Variants in SSBP2 observed in about 807,000 individuals in gnomAD.
SSBP2 encodes single-stranded DNA-binding protein 2.
Under a neutral mutation model 61.8 loss-of-function variants are expected in SSBP2, and 17 were observed. That is an observed-to-expected ratio of 0.28 (90% confidence interval 0.19 to 0.41). SSBP2 has a LOEUF of 0.41. Among genes scored for constraint, SSBP2 ranks in the 10% least tolerant of loss-of-function variants. The pLI is 1.00. For synonymous variants in SSBP2, 139 were observed against 141.3 expected (o/e 0.98, Z 0.12); for missense variants, 310 against 458.7 (o/e 0.68, Z 2.96).
chr5:81,526,221 G>C (rs755084742), intron 4 of SSBP2, among the ~76,000 whole-genome samples: 40 of 151,860 alleles, frequency 2.6e-4, no homozygotes, highest in Non-Finnish European at 5.2e-4. Flanking sequence ...AAAAAATTCA[G>C]TTTTTTTCCC....
intron 2 of SSBP2, among the ~76,000 whole-genome samples, chr5:81,644,854 T>A (rs1408046554): frequency 6.6e-6 from 1 of 152,166 alleles, no homozygotes; most frequent in Non-Finnish European, 1.5e-5. Context: ...TATTAGGGAT[T>A]AGAGCTGGAC....
intron 1 of SSBP2, among the ~76,000 whole-genome samples, chr5:81,673,767 C>T (rs561324228): frequency 2.6e-5 from 4 of 152,274 alleles, no homozygotes; most frequent in South Asian, 2.1e-4. Flanking sequence ...TGGCTAAAGA[C>T]GTTGGCACTA....
At chr5:81,749,286 CA>C (rs900253908) in intron 1 of SSBP2, among the ~76,000 whole-genome samples, 1 of 151,708 alleles carries the variant, frequency 6.6e-6, no homozygotes, top group Non-Finnish European at 1.5e-5. Context: ...TGCAAAAAAA[CA>C]AAAAAGCCTC....
rs554939365 is a variant in SSBP2, at chr5:81,691,563, T to TA, written c.63-41225dup. On this transcript the variant is annotated intron_variant, in intron 1 of 16. Coordinates refer to ENST00000320672, the MANE Select transcript of SSBP2 (RefSeq NM_012446.5). Reference sequence around the variant, plus strand: ...ACAAGTAACAAAATTAATGCTGTAATAAAAAAAAAAACTCCCAGCAAAGAA... The same window carrying TA: ...ACAAGTAACAAAATTAATGCTGTAATAAAAAAAAAAAACTCCCAGCAAAGAA... 5.5e-3 allele frequency among the ~76,000 whole-genome samples: 786 copies of TA among 142,368 alleles called. 3 individuals carry two copies. Among genetic ancestry groups the TA allele is most frequent in the South Asian group, 0.019 (85 of 4,470 alleles). 93.4% of individuals were successfully genotyped at this position (142,368 alleles called of 152,430 possible).
chr5:81,592,120 C>T (rs916223695), intron 4 of SSBP2, among the ~76,000 whole-genome samples: 1 of 152,182 alleles, frequency 6.6e-6, no homozygotes, highest in African/African-American at 2.4e-5. Context: ...CCTGGAAAAT[C>T]GGGTCACTCC....
At chr5:81,691,562 A>AT (rs1753201848) in intron 1 of SSBP2, among the ~76,000 whole-genome samples, 2 of 151,884 alleles carry the variant, frequency 1.3e-5, no homozygotes, top group South Asian at 2.1e-4. Flanking sequence ...TAATGCTGTA[A>AT]TAAAAAAAAA....
intron 1 of SSBP2, among the ~76,000 whole-genome samples, chr5:81,731,392 C>G (rs1045325894): frequency 3.3e-5 from 5 of 152,084 alleles, no homozygotes; most frequent in Admixed American, 1.3e-4. Flanking sequence ...ACAAAACAAT[C>G]CATGCAACTG....
intron 4 of SSBP2, among the ~76,000 whole-genome samples, chr5:81,513,931 A>G (rs1318871817): frequency 6.6e-6 from 1 of 152,202 alleles, no homozygotes; most frequent in Non-Finnish European, 1.5e-5. Flanking sequence ...AACTTTGTGA[A>G]GTCAAAGAAC....
chr5:81,474,926 AT>A (rs1765488607), intron 6 of SSBP2, among the ~76,000 whole-genome samples: 1 of 152,172 alleles, frequency 6.6e-6, no homozygotes, highest in Non-Finnish European at 1.5e-5. Flanking sequence ...TAAATTCCCT[AT>A]TTCTACAGAA....
rs74713343 is a variant in SSBP2 at position 81,680,421 on chromosome 5, C to T, written c.63-30082G>A. Among the ~76,000 whole-genome samples, 1,191 of 149,520 alleles carry T rather than the reference C, an allele frequency of 8.0e-3. 24 individuals are homozygous for T. The highest frequency in any genetic ancestry group is 0.027 in the African/African-American group (1,114 of 40,972). Reference sequence around the variant, plus strand: ...GTTTCTTGGAGAACTCAAACTAATGCCATCACATTAAACGTCAGTGGTGTA... The same window carrying T: ...GTTTCTTGGAGAACTCAAACTAATGTCATCACATTAAACGTCAGTGGTGTA... On this transcript the variant is annotated intron_variant, in intron 1 of 16. Coordinates refer to ENST00000320672, the MANE Select transcript of SSBP2 (RefSeq NM_012446.5).
intron 4 of SSBP2, among the ~76,000 whole-genome samples, chr5:81,530,666 A>AT (rs1477567181): frequency 5.3e-5 from 8 of 152,070 alleles, no homozygotes; most frequent in Non-Finnish European, 1.0e-4. Context: ...ACTATTCAGA[A>AT]TAGTATAGTG....
In SSBP2 at chr5:81,461,103, C is replaced by G; in HGVS notation, c.639G>C (p.Met213Ile). ...GCCAAGGTCTACCACCACCTGGACC[C>G]CTACAAAACAATTTGATAAATGAAA... Residue 213 changes from methionine to isoleucine, a missense_variant and splice_region_variant, in exon 10 of 17, where the codon ATG (methionine) becomes ATC (isoleucine). By Grantham distance (10) the Met-to-Ile change is conservative. This residue lies in a region of SSBP2 where 209 missense variants were observed against 286.4 expected (regional missense o/e 0.73). Transcript: ENST00000320672. 6.3e-7 allele frequency: 1 copy of G among 1,584,994 alleles called. No individual in the cohort carries two copies. The highest frequency in any genetic ancestry group is 2.3e-5 in the East Asian group (1 of 43,716).
chr5:81,707,191 T>C (rs1754454922), intron 1 of SSBP2, among the ~76,000 whole-genome samples: 1 of 152,020 alleles, frequency 6.6e-6, no homozygotes, highest in African/African-American at 2.4e-5. Context: ...AGTCAACATC[T>C]CCAGTAAGGC....
At chr5:81,518,575 GTTC>G (rs1276274607) in intron 4 of SSBP2, among the ~76,000 whole-genome samples, 13 of 152,072 alleles carry the variant, frequency 8.5e-5, no homozygotes, top group African/African-American at 3.1e-4. Flanking sequence ...ATAAATTTAT[GTTC>G]TTTATAAACT....
intron 2 of SSBP2, among the ~76,000 whole-genome samples, chr5:81,637,727 T>C (rs1748368329): frequency 6.6e-6 from 1 of 152,040 alleles, no homozygotes; most frequent in African/African-American, 2.4e-5. Context: ...AAAAGAGTAA[T>C]TGAGACCCAG....
chr5:81,470,753 G>A (rs1707235646), intron 8 of SSBP2, among the ~76,000 whole-genome samples: 1 of 151,772 alleles, frequency 6.6e-6, no homozygotes, highest in South Asian at 2.1e-4. Flanking sequence ...CTAAAAATAA[G>A]GCAGATATCT....
At chr5:81,704,795 CAAAAAAAAAAAAAAA>C (rs34376110) in intron 1 of SSBP2, among the ~76,000 whole-genome samples, 1 of 51,990 alleles carries the variant, frequency 1.9e-5, no homozygotes, top group African/African-American at 7.6e-5. Flanking sequence ...GATTCCATCT[CAAAAAAAAAAAAAAA>C]AAAAAAAAAA....
intron 1 of SSBP2, among the ~76,000 whole-genome samples, chr5:81,669,136 T>A (rs1417898367): frequency 3.3e-5 from 5 of 152,188 alleles, no homozygotes; most frequent in African/African-American, 1.2e-4. Flanking sequence ...AATGAAAGTA[T>A]ATAGAATAAA....
At chr5:81,558,110 G>A (rs1208787669) in intron 4 of SSBP2, among the ~76,000 whole-genome samples, 6 of 152,104 alleles carry the variant, frequency 3.9e-5, no homozygotes, top group African/African-American at 1.4e-4. Context: ...TGTGAATTAC[G>A]AGGTTTTGCA....
Sources: allele counts gnomAD v4.1 joint callset (sites outside exome capture counted in the v4.1 genomes callset), GRCh38; gene constraint gnomAD v4.1.1; regional missense constraint gnomAD v4.1.1; transcripts MANE v1.5; gene names NCBI Gene and HGNC (gene_info 2026-07-23, HGNC 2026-07-21).